The following FRMD5 variants were observed in gnomAD, a reference collection of about 807,000 sequenced individuals.
FRMD5 encodes FERM domain containing 5.
In FRMD5, 20 loss-of-function variants were observed where a neutral mutation model predicts 69.0. The observed-to-expected ratio is 0.29, with a 90% CI of 0.20 to 0.42. The LOEUF is 0.42. FRMD5 is among the 10% of genes least tolerant of loss of function. The pLI is 1.00. For synonymous variants in FRMD5, 271 were observed against 260.1 expected (o/e 1.04, Z -0.40); for missense variants, 595 against 708.6 (o/e 0.84, Z 1.82).
At chr15:44,194,768 C>A (rs1274302847) in intron 1 of FRMD5, 185 bp downstream of exon 1, 1 of 685,400 alleles carries the variant, frequency 1.5e-6, no homozygotes, top group East Asian at 2.9e-5. Flanking sequence ...ACACCGGGTG[C>A]CAGGGCTCCG....
chr15:43,951,393 G>A (rs529480121), intron 1 of FRMD5, among the ~76,000 whole-genome samples: 1 of 149,134 alleles, frequency 6.7e-6, no homozygotes, highest in Non-Finnish European at 1.5e-5. Flanking sequence ...CTGCACTCCA[G>A]CCTGGGCCAC....
chr15:43,942,405 T>C (rs1319153189), intron 1 of FRMD5, among the ~76,000 whole-genome samples: 3 of 151,998 alleles, frequency 2.0e-5, no homozygotes, highest in Non-Finnish European at 4.4e-5. Context: ...CGAAACTCAT[T>C]ATAGTTTTAA....
At chr15:44,147,163 G>T (rs2077369385) in intron 1 of FRMD5, among the ~76,000 whole-genome samples, 1 of 152,110 alleles carries the variant, frequency 6.6e-6, no homozygotes, top group Non-Finnish European at 1.5e-5. Context: ...GTTAATTTTT[G>T]TATAAGGTGT....
intron 1 of FRMD5, among the ~76,000 whole-genome samples, chr15:44,007,630 T>G (rs556796387): frequency 1.7e-3 from 243 of 144,048 alleles, no homozygotes; most frequent in Non-Finnish European, 3.0e-3. Context: ...TTTTAATTAA[T>G]TAACTAATTT....
intron 1 of FRMD5, among the ~76,000 whole-genome samples, chr15:43,950,635 T>C (rs747106283): frequency 6.6e-6 from 1 of 152,172 alleles, no homozygotes; most frequent in Non-Finnish European, 1.5e-5. Flanking sequence ...AGCGTTCCCA[T>C]TCAATGGATC....
intron 10 of FRMD5, among the ~76,000 whole-genome samples, chr15:43,886,101 G>T (rs1329779716): frequency 6.6e-6 from 1 of 152,304 alleles, no homozygotes; most frequent in East Asian, 1.9e-4. Context: ...TCTCAGCCAC[G>T]TCACTTATTA....
At chr15:44,134,363 G>A (rs756029773) in intron 1 of FRMD5, among the ~76,000 whole-genome samples, 1 of 152,144 alleles carries the variant, frequency 6.6e-6, no homozygotes, top group Non-Finnish European at 1.5e-5. Flanking sequence ...TATTAACAGC[G>A]CTTCTTAGAG....
chr15:43,973,172 G>A (rs1371459282), intron 1 of FRMD5, among the ~76,000 whole-genome samples: 34 of 151,596 alleles, frequency 2.2e-4, no homozygotes, highest in African/African-American at 5.6e-4. Flanking sequence ...ACAGACGCCC[G>A]CCACCACGCC....
At chr15:44,066,534 G>C (rs1472702254) in intron 1 of FRMD5, among the ~76,000 whole-genome samples, 5 of 152,296 alleles carry the variant, frequency 3.3e-5, no homozygotes, top group African/African-American at 1.2e-4. Context: ...GCATTACGCA[G>C]GAAACTAGTG....
chr15:43,889,917 C>A (rs1390650588), intron 8 of FRMD5, among the ~76,000 whole-genome samples: 8 of 152,180 alleles, frequency 5.3e-5, no homozygotes, highest in Admixed American at 5.2e-4. Flanking sequence ...AGATTTCCTT[C>A]ATCTCCTAGG....
At chr15:44,006,758 C>G (rs1478555486) in intron 1 of FRMD5, among the ~76,000 whole-genome samples, 1 of 152,098 alleles carries the variant, frequency 6.6e-6, no homozygotes, top group Non-Finnish European at 1.5e-5. Context: ...ACTGAATTGC[C>G]GCAATCTCAA....
At chr15:44,159,036 C>T (rs760782748) in intron 1 of FRMD5, among the ~76,000 whole-genome samples, 2 of 151,980 alleles carry the variant, frequency 1.3e-5, no homozygotes, top group Non-Finnish European at 2.9e-5. Flanking sequence ...CAATGTAGCA[C>T]TAGAACCAAG....
intron 1 of FRMD5, among the ~76,000 whole-genome samples, chr15:43,953,978 A>C: frequency 6.6e-6 from 1 of 152,176 alleles, no homozygotes; most frequent in Non-Finnish European, 1.5e-5. Flanking sequence ...ACTGGTTCCC[A>C]GGTTTCTTGA....
Position 44,162,109 on chromosome 15 carries a change from C to T in FRMD5, c.102+32844G>A, listed in dbSNP as rs2077625873. Among the ~76,000 whole-genome samples the T allele has an allele frequency of 3.3e-5, 5 of 152,034 alleles. No individual in the cohort carries two copies. In the South Asian group the frequency reaches 8.3e-4, roughly 25 times the overall value. The stretch of plus-strand genomic sequence containing the variant: ...CCTCCTGAGAAGCTGGGATTACAGG[C>T]GTGTGTCACCACACTCGGCTAATTT... On this transcript the variant is annotated intron_variant, in intron 1 of 13. Coordinates refer to ENST00000417257, the MANE Select transcript of FRMD5 (RefSeq NM_032892.5).
intron 1 of FRMD5, among the ~76,000 whole-genome samples, chr15:43,959,372 A>G (rs1417134121): frequency 6.6e-6 from 1 of 152,270 alleles, no homozygotes; most frequent in East Asian, 1.9e-4. Flanking sequence ...AAATAAACCA[A>G]ATACAGTCCT....
chr15:44,044,116 G>C (rs1892326162), intron 1 of FRMD5, among the ~76,000 whole-genome samples: 1 of 152,104 alleles, frequency 6.6e-6, no homozygotes, highest in Non-Finnish European at 1.5e-5. Context: ...TGAAGGATAT[G>C]AACAGACACT....
At chr15:43,900,085 A>G (rs547369342) in intron 7 of FRMD5, among the ~76,000 whole-genome samples, 1 of 152,266 alleles carries the variant, frequency 6.6e-6, no homozygotes, top group East Asian at 1.9e-4. Context: ...TCTGATGAAC[A>G]TATCTTCAGG....
chr15:44,048,961 C>T (rs920710289), intron 1 of FRMD5, among the ~76,000 whole-genome samples: 60 of 152,100 alleles, frequency 3.9e-4, no homozygotes, highest in African/African-American at 1.3e-3. Flanking sequence ...TACTTCTTGG[C>T]GGAAAGGCAG....
chr15:44,147,385 T>G, intron 1 of FRMD5, among the ~76,000 whole-genome samples: 1 of 152,076 alleles, frequency 6.6e-6, no homozygotes. Context: ...TGCCTTGCAG[T>G]ATAGTTTCAA....
Sources: gnomAD v4.1 joint callset for allele counts (sites outside exome capture counted in the v4.1 genomes callset) on GRCh38, gnomAD v4.1.1 for gene constraint, MANE v1.5 for transcripts, NCBI Gene and HGNC (gene_info 2026-07-23, HGNC 2026-07-21) for gene names.